The following THADA variants were observed in gnomAD, a reference collection of about 807,000 sequenced individuals.
THADA encodes tRNA (32-2'-O)-methyltransferase regulator THADA.
In THADA, 213 loss-of-function variants were observed where a neutral mutation model predicts 219.8. The observed-to-expected ratio is 0.97, with a 90% CI of 0.87 to 1.09. THADA has a LOEUF of 1.09. Among genes scored for constraint, THADA ranks in the 50% least tolerant of loss-of-function variants. The pLI, the probability that THADA is intolerant of heterozygous loss-of-function variation, is 0.00. For missense variants in THADA, 2,956 were observed against 2,311.3 expected (o/e 1.28, Z -5.72); for synonymous variants, 1,018 against 828.9 (o/e 1.23, Z -3.92).
chr2:43,422,835 G>A (rs891391247), intron 28 of THADA, among the ~76,000 whole-genome samples: 3 of 152,070 alleles, frequency 2.0e-5, no homozygotes, highest in South Asian at 2.1e-4. Context: ...TCCTCCCACC[G>A]CAGCCTCCCA....
At chr2:43,365,672 G>A (rs975073276) in intron 29 of THADA, among the ~76,000 whole-genome samples, 5 of 151,852 alleles carry the variant, frequency 3.3e-5, no homozygotes, top group Admixed American at 6.6e-5. Context: ...GCTTGCACAA[G>A]GATAGCAGTG....
chr2:43,314,970 C>G (rs1303661383), intron 31 of THADA, among the ~76,000 whole-genome samples: 1 of 152,188 alleles, frequency 6.6e-6, no homozygotes, highest in Admixed American at 6.5e-5. Context: ...TTAAGCTTTT[C>G]TAATAATCTT....
intron 29 of THADA, among the ~76,000 whole-genome samples, chr2:43,345,715 T>C (rs1020690610): frequency 6.6e-6 from 1 of 152,176 alleles, no homozygotes; most frequent in Non-Finnish European, 1.5e-5. Context: ...TACTTTTCTC[T>C]ACAGCTGCAC....
At chr2:43,446,447 C>T (rs903114331) in intron 26 of THADA, among the ~76,000 whole-genome samples, 16 of 152,160 alleles carry the variant, frequency 1.1e-4, no homozygotes, top group African/African-American at 3.9e-4. Flanking sequence ...GTCCTGACTA[C>T]CCTGCTAGAG....
In THADA at chr2:43,293,053, C is replaced by G. The variant is rs2104371867; in HGVS notation, c.4599G>C (p.Lys1533Asn). 1 of 1,613,974 alleles carries G rather than the reference C, an allele frequency of 6.2e-7. No individual in the cohort carries two copies. Among genetic ancestry groups the G allele is most frequent in the Non-Finnish European group, 8.5e-7 (1 of 1,179,900 alleles). ...AIAAVWAAAA[K>N]SGERETNVPI... ...GGACATTCGTCTCCCGCTCTCCACTCTTGGCTGCCGCGGCCCACACTGCAG... is the reference window on the plus strand; with the variant it reads ...GGACATTCGTCTCCCGCTCTCCACTGTTGGCTGCCGCGGCCCACACTGCAG... Residue 1533 changes from lysine (K) to asparagine (N), a missense_variant, in exon 32 of 38, where the codon AAG becomes AAC. Physicochemically the swap from Lys to Asn is moderately conservative, Grantham distance 94. Coordinates refer to ENST00000405975, the MANE Select transcript of THADA (RefSeq NM_022065.5).
chr2:43,511,307 G>A (rs1373042681), intron 22 of THADA, among the ~76,000 whole-genome samples: 3 of 152,108 alleles, frequency 2.0e-5, no homozygotes, highest in Non-Finnish European at 4.4e-5. Context: ...CTAAATACTA[G>A]TTCAATAATG....
chr2:43,588,052 T>A (rs1701187472), intron 4 of THADA, among the ~76,000 whole-genome samples: 1 of 152,158 alleles, frequency 6.6e-6, no homozygotes, highest in Non-Finnish European at 1.5e-5. Flanking sequence ...AAACACTTTA[T>A]CAAACTATAG....
chr2:43,319,340 T>C (rs1308637941), intron 31 of THADA, among the ~76,000 whole-genome samples: 1 of 152,228 alleles, frequency 6.6e-6, no homozygotes, highest in African/African-American at 2.4e-5. Context: ...GGGATTGCTT[T>C]ATAGCTATAA....
intron 36 of THADA, among the ~76,000 whole-genome samples, chr2:43,241,404 G>A (rs1668607350): frequency 6.6e-6 from 1 of 151,604 alleles, no homozygotes; most frequent in Non-Finnish European, 1.5e-5. Context: ...TTTGTTTTAA[G>A]TCTTAGAGCC....
chr2:43,525,467 C>T (rs1693055718), intron 22 of THADA, among the ~76,000 whole-genome samples: 1 of 152,194 alleles, frequency 6.6e-6, no homozygotes, highest in South Asian at 2.1e-4. Context: ...CATACAGCTT[C>T]TGGCTGATTC....
rs199909782 is a variant in THADA at position 43,398,051 on chromosome 2, T to C, written c.4147A>G (p.Ile1383Val). The C allele has an allele frequency of 2.7e-5, 43 of 1,613,858 alleles. No individual in the cohort carries two copies. The African/African-American group carries it at 4.0e-4, about 15-fold the overall frequency. ...FVMIDHIPNTIRTLLSTLPSC... is the reference protein window; with the variant it reads ...FVMIDHIPNTVRTLLSTLPSC... ...GGGAGTGTGGACAACAGAGTTCGAA[T>C]GGTATTAGGAATGTGATCTATCATA... Residue 1383 changes from isoleucine (I) to valine (V), a missense_variant, in exon 29 of 38, where the codon ATT becomes GTT. Transcript: ENST00000405975.
intron 16 of THADA, among the ~76,000 whole-genome samples, chr2:43,559,993 C>A (rs1479711250): frequency 6.6e-6 from 1 of 152,190 alleles, no homozygotes; most frequent in African/African-American, 2.4e-5. Flanking sequence ...CCTACACCTC[C>A]CTTTTTATCA....
At chr2:43,568,679 T>C (rs536252479) in intron 14 of THADA, among the ~76,000 whole-genome samples, 3 of 152,312 alleles carry the variant, frequency 2.0e-5, no homozygotes, top group African/African-American at 4.8e-5. Flanking sequence ...GAGATATGCA[T>C]TGTTAAATCT....
At chr2:43,428,302 T>G (rs1678767819) in intron 27 of THADA, 71 bp from the exon 28 acceptor site, 1 of 1,434,468 alleles carries the variant, frequency 7.0e-7, no homozygotes, top group African/African-American at 1.4e-5. Flanking sequence ...TCAAACATTT[T>G]TCTCATGAAA....
chr2:43,418,851 G>C (rs1251601349), intron 28 of THADA, among the ~76,000 whole-genome samples: 1 of 152,134 alleles, frequency 6.6e-6, no homozygotes, highest in African/African-American at 2.4e-5. Context: ...GTCTGCAATA[G>C]CATCAAACAC....
chr2:43,520,711 TATACACACACACACACACAC>T (rs1485576245), intron 22 of THADA, among the ~76,000 whole-genome samples: 1 of 131,366 alleles, frequency 7.6e-6, no homozygotes, highest in Non-Finnish European at 1.6e-5. Context: ...CGTATATATA[TATACACACACACACACACAC>T]ACACACACAC....
intron 26 of THADA, among the ~76,000 whole-genome samples, chr2:43,448,394 A>G (rs766444418): frequency 1.3e-5 from 2 of 152,150 alleles, no homozygotes; most frequent in African/African-American, 4.8e-5. Flanking sequence ...TCCTCCAAAA[A>G]TCTGGGGATC....
At chr2:43,509,946 C>T (rs1690186600) in intron 22 of THADA, among the ~76,000 whole-genome samples, 2 of 152,096 alleles carry the variant, frequency 1.3e-5, no homozygotes, top group Non-Finnish European at 2.9e-5. Flanking sequence ...CCTCAGCCAC[C>T]AAAACCAGCT....
At chr2:43,512,125 A>G (rs1442336061) in intron 22 of THADA, among the ~76,000 whole-genome samples, 1 of 152,212 alleles carries the variant, frequency 6.6e-6, no homozygotes, top group African/African-American at 2.4e-5. Context: ...AAGGCTGGCA[A>G]AATGCCATCG....
Sources: allele counts gnomAD v4.1 joint callset (sites outside exome capture counted in the v4.1 genomes callset), GRCh38; gene constraint gnomAD v4.1.1; transcripts MANE v1.5; gene names NCBI Gene and HGNC (gene_info 2026-07-23, HGNC 2026-07-21).